Variants in SOS1 observed in about 807,000 individuals in gnomAD.
The protein encoded by SOS1 is SOS Ras/Rac guanine nucleotide exchange factor 1.
SOS1 carries 25 observed loss-of-function variants against 157.6 expected under a neutral mutation model. That is an observed-to-expected ratio of 0.16 (90% CI 0.12 to 0.22). The LOEUF (loss-of-function observed/expected upper bound fraction) is 0.22, where lower values mean the gene tolerates loss of function less well. Among genes scored for constraint, SOS1 ranks in the 10% least tolerant of loss-of-function variants. SOS1 has a pLI of 1.00. For missense variants in SOS1, 1,237 were observed against 1,599.1 expected, an observed-to-expected ratio of 0.77 and a Z score of 3.86; for synonymous variants, 528 against 534.0, an observed-to-expected ratio of 0.99 and a Z score of 0.16.
intron 1 of SOS1, among the ~76,000 whole-genome samples, chr2:39,110,039 C>T (rs55974731): frequency 0.15 from 20,605 of 135,462 alleles, 2,532 homozygotes; most frequent in African/African-American, 0.34. Flanking sequence ...TGTGTGTGTG[C>T]GTGTGTGTGT....
intron 14 of SOS1, 32 bp downstream of exon 14, chr2:39,012,094 T>C (rs1669490505): frequency 2.7e-6 from 4 of 1,458,280 alleles, no homozygotes; most frequent in Non-Finnish European, 3.9e-6. Context: ...TCTTTTGAAA[T>C]GACTTTTCAA....
intron 1 of SOS1, chr2:39,082,683 C>A (rs1380435457): frequency 6.6e-6 from 1 of 152,074 alleles, no homozygotes; most frequent in East Asian, 1.9e-4. Flanking sequence ...GTGAAGCGTT[C>A]CATTACTTTT....
intron 1 of SOS1, among the ~76,000 whole-genome samples, chr2:39,108,206 C>T (rs1572898035): frequency 6.6e-6 from 1 of 152,178 alleles, no homozygotes; most frequent in African/African-American, 2.4e-5. Flanking sequence ...AGCTACTGCT[C>T]TAATCAAAGC....
intron 17 of SOS1, 53 bp downstream of exon 17, chr2:39,006,355 AAATG>A (rs1669282317): frequency 7.0e-6 from 6 of 855,738 alleles, no homozygotes; most frequent in African/African-American, 6.6e-5. Context: ...TCATTTAATG[AAATG>A]AGTGTTTTGT....
intron 10 of SOS1, among the ~76,000 whole-genome samples, chr2:39,021,912 CAAAAAACAG>C (rs1669810403): frequency 1.3e-5 from 2 of 151,600 alleles, no homozygotes; most frequent in Non-Finnish European, 3.0e-5. Flanking sequence ...TTGTACCTCT[CAAAAAACAG>C]CTTTATATGG....
intron 1 of SOS1, among the ~76,000 whole-genome samples, chr2:39,113,349 C>T (rs1673511301): frequency 6.6e-6 from 1 of 151,316 alleles, no homozygotes; most frequent in South Asian, 2.1e-4. Context: ...TACCACCATA[C>T]CTGTCTTCTT....
intron 1 of SOS1, among the ~76,000 whole-genome samples, chr2:39,103,557 A>T (rs1022173212): frequency 1.3e-5 from 2 of 152,216 alleles, no homozygotes; most frequent in Non-Finnish European, 2.9e-5. Context: ...GACCCTGCTC[A>T]ACAAATGGTG....
At position 38,994,076 on chromosome 2, in the gene SOS1, T is replaced by C. The variant is rs192870280; in HGVS notation, c.3346+1047A>G. On this transcript the variant is annotated intron_variant, in intron 20 of 22. Transcript: ENST00000402219. The stretch of plus-strand genomic sequence containing the variant: ...CATGTGATTATTGAGCATCTGACTG[T>C]GGCTTGTCTGAACTGAGATGTGCTG... Among the ~76,000 whole-genome samples the C allele has an allele frequency of 2.6e-4, 40 of 152,316 alleles. 1 individual carries two copies. The South Asian group carries it at 6.4e-3, about 24-fold the overall frequency.
chr2:39,008,551 G>A (rs1377382645), intron 15 of SOS1, among the ~76,000 whole-genome samples: 2 of 152,262 alleles, frequency 1.3e-5, no homozygotes, highest in East Asian at 3.8e-4. Context: ...ACCCTAGACT[G>A]TAGGCAGAGT....
intron 10 of SOS1, among the ~76,000 whole-genome samples, chr2:39,018,772 T>C (rs1669707929): frequency 6.6e-6 from 1 of 151,772 alleles, no homozygotes; most frequent in African/African-American, 2.4e-5. Context: ...ATAATCAGGA[T>C]GTCTGTTCAT....
rs1264856949 is a variant in SOS1, at chr2:39,022,921, C to G, written c.1507G>C (p.Asp503His). The G allele has an allele frequency of 6.2e-7, 1 of 1,612,530 alleles. No homozygotes were observed. The highest frequency in any genetic ancestry group is 1.3e-5 in the African/African-American group (1 of 74,848). The part of the protein sequence containing the change: ...KFFMRKVQIN[D>H]KDDTNEYKHA... ...TTGTATTCATTGGTGTCATCTTTATCATTAATTTGTACCTTTCGCATAAAA... is the reference window on the plus strand; with the variant it reads ...TTGTATTCATTGGTGTCATCTTTATGATTAATTTGTACCTTTCGCATAAAA... Residue 503 changes from aspartate (D) to histidine (H), a missense_variant, in exon 10 of 23, where the codon GAT becomes CAT. Around this residue, in one of 15 missense-constraint regions of SOS1, gnomAD observed 210 missense variants for 220.2 expected, o/e 0.95. Transcript: ENST00000402219.
chr2:39,024,325 A>G (rs562275140), intron 8 of SOS1, among the ~76,000 whole-genome samples, 188 bp from the exon 9 acceptor site: 2 of 152,296 alleles, frequency 1.3e-5, no homozygotes, highest in African/African-American at 4.8e-5. Context: ...AGTTTTCTAC[A>G]TTAAAAGACC....
At position 39,022,596 on chromosome 2, in the gene SOS1, T is replaced by C; in HGVS notation, c.1832A>G (p.Glu611Gly). 6.2e-7 allele frequency: 1 copy of C among 1,613,408 alleles called. No homozygotes were observed. The highest frequency in any genetic ancestry group is 8.5e-7 in the Non-Finnish European group (1 of 1,179,438). Residue 611 changes from glutamate (E) to glycine (G), a missense_variant, in exon 10 of 23, where the codon GAG becomes GGG. Glu to Gly is a moderately conservative substitution (Grantham distance 98). Transcript: ENST00000402219. The part of the protein sequence containing the change: ...IKAGTVIKLI[E>G]RLTYHMYADP... The stretch of plus-strand genomic sequence containing the variant: ...TGCGTACATATGGTACGTAAGCCTC[T>C]CTATAAGTTTAATAACAGTTCCTGC...
At chr2:39,093,389 C>T (rs1051948881) in intron 1 of SOS1, among the ~76,000 whole-genome samples, 5 of 152,102 alleles carry the variant, frequency 3.3e-5, no homozygotes, top group African/African-American at 7.2e-5. Flanking sequence ...TGACTTGGTA[C>T]CACTTACACT....
At chr2:39,000,626 G>T (rs866602746) in intron 17 of SOS1, among the ~76,000 whole-genome samples, 4 of 152,290 alleles carry the variant, frequency 2.6e-5, no homozygotes, top group Middle Eastern at 3.4e-3. Context: ...AGCTGCTTAG[G>T]ATTCTAGGCT....
chr2:39,082,391 T>C (rs1672234470), intron 1 of SOS1, among the ~76,000 whole-genome samples: 1 of 152,184 alleles, frequency 6.6e-6, no homozygotes, highest in East Asian at 1.9e-4. Context: ...CTTGCTCTAT[T>C]GTTAGCTTTG....
chr2:39,038,405 TTGAA>T (rs1339216550), intron 6 of SOS1, among the ~76,000 whole-genome samples: 2 of 151,958 alleles, frequency 1.3e-5, no homozygotes, highest in Non-Finnish European at 2.9e-5. Context: ...ATGATAAAAC[TTGAA>T]TGGAGAATTT....
At chr2:39,096,092 A>G (rs1396692806) in intron 1 of SOS1, among the ~76,000 whole-genome samples, 1 of 152,230 alleles carries the variant, frequency 6.6e-6, no homozygotes, top group Non-Finnish European at 1.5e-5. Context: ...GGAAAAAAAG[A>G]TTTTAATAAT....
In SOS1 at chr2:39,120,535, C is replaced by G. The variant is rs573033981; in HGVS notation, c.-113G>C. 1.7e-3 allele frequency: 1,836 copies of G among 1,093,392 alleles called. 3 individuals carry two copies. The highest frequency in any genetic ancestry group is 2.1e-3 in the South Asian group (47 of 22,754). The allele number at this position is 1,093,392 out of a possible 1,614,324, so 67.7% of individuals were successfully genotyped here. A position where few individuals can be genotyped will look rare whatever the true frequency, so the allele number is the denominator to read the frequency against. On this transcript the variant is annotated 5_prime_UTR_variant, in exon 1 of 23. Transcript: ENST00000402219. The stretch of plus-strand genomic sequence containing the variant: ...AGGGCCGCGGCCCCACCGGACGGCC[C>G]GGCCCCCTCCGGGCGCCGCGCAGCC...
Sources: allele counts gnomAD v4.1 joint callset (sites outside exome capture counted in the v4.1 genomes callset), GRCh38; gene constraint gnomAD v4.1.1; regional missense constraint gnomAD v4.1.1; transcripts MANE v1.5; gene names NCBI Gene and HGNC (gene_info 2026-07-23, HGNC 2026-07-21).